Variants in COL22A1 observed in about 807,000 individuals in gnomAD.
COL22A1 encodes the protein collagen alpha-1(XXII) chain.
In COL22A1, 221 loss-of-function variants were observed where a neutral mutation model predicts 248.9. That is an observed-to-expected ratio of 0.89 (90% CI 0.80 to 0.99). The LOEUF (loss-of-function observed/expected upper bound fraction) is 0.99, where lower values mean the gene tolerates loss of function less well. Among genes scored for constraint, COL22A1 ranks in the 50% least tolerant of loss-of-function variants. The pLI, the probability that COL22A1 is intolerant of heterozygous loss-of-function variation, is 0.00. For missense variants in COL22A1, 2,240 were observed against 2,179.0 expected (o/e 1.03, Z -0.56); for synonymous variants, 891 against 793.4 (o/e 1.12, Z -2.07).
chr8:138,823,019 G>A (rs778172324), intron 6 of COL22A1, among the ~76,000 whole-genome samples: 1 of 152,128 alleles, frequency 6.6e-6, no homozygotes, highest in African/African-American at 2.4e-5. Flanking sequence ...TACAGCACTC[G>A]TCAAAAATGT....
intron 50 of COL22A1, among the ~76,000 whole-genome samples, chr8:138,628,682 G>A (rs1424806684): frequency 6.6e-6 from 1 of 151,970 alleles, no homozygotes; most frequent in African/African-American, 2.4e-5. Flanking sequence ...TTGAGGAGTG[G>A]TCCCATGACA....
At chr8:138,665,714 G>T (rs1221986876) in intron 41 of COL22A1, among the ~76,000 whole-genome samples, 1 of 152,136 alleles carries the variant, frequency 6.6e-6, no homozygotes, top group East Asian at 1.9e-4. Context: ...CATAACAAGT[G>T]GTAGAACTGA....
intron 53 of COL22A1, 76 bp from the exon 54 acceptor site, chr8:138,617,034 C>T: frequency 6.7e-7 from 1 of 1,497,120 alleles, no homozygotes; most frequent in Non-Finnish European, 9.3e-7. Context: ...TACCTCCCTG[C>T]CGGCTTTGAC....
At chr8:138,630,807 C>A in intron 49 of COL22A1, 59 bp from the exon 50 acceptor site, 1 of 1,436,314 alleles carries the variant, frequency 7.0e-7, no homozygotes, top group South Asian at 1.1e-5. Flanking sequence ...GTCATTAGCA[C>A]CCTCTGCTTT....
At chr8:138,730,743 G>T (rs993791118) in intron 23 of COL22A1, among the ~76,000 whole-genome samples, 1 of 152,132 alleles carries the variant, frequency 6.6e-6, no homozygotes, top group Non-Finnish European at 1.5e-5. Context: ...TCAGAGGAAG[G>T]CATGGTAGAG....
chr8:138,881,626 A>G (rs549084956), intron 2 of COL22A1, among the ~76,000 whole-genome samples: 16 of 152,366 alleles, frequency 1.1e-4, no homozygotes, highest in African/African-American at 3.8e-4. Flanking sequence ...CGGAGCTTGC[A>G]GTGAGCCGAG....
chr8:138,680,007 G>T (rs529366381), intron 39 of COL22A1, among the ~76,000 whole-genome samples: 1 of 152,206 alleles, frequency 6.6e-6, no homozygotes, highest in Admixed American at 6.5e-5. Flanking sequence ...GTGTGGCTCC[G>T]TTTGTCTGTT....
intron 16 of COL22A1, among the ~76,000 whole-genome samples, chr8:138,764,187 C>T (rs909048343): frequency 2.0e-5 from 3 of 152,162 alleles, no homozygotes; most frequent in African/African-American, 7.2e-5. Context: ...GGGTGCCTGC[C>T]CACCAGTGGA....
chr8:138,662,334 T>A (rs934209553), intron 42 of COL22A1, among the ~76,000 whole-genome samples: 2 of 152,038 alleles, frequency 1.3e-5, no homozygotes, highest in Non-Finnish European at 2.9e-5. Flanking sequence ...TGGACCCCAT[T>A]TGTATAGTTC....
At chr8:138,670,960 C>CA (rs60845059) in intron 41 of COL22A1, among the ~76,000 whole-genome samples, 19,357 of 55,100 alleles carry the variant, frequency 0.35, 7,051 homozygotes, top group South Asian at 0.44. Context: ...GACCTTGTCT[C>CA]AAAAAAAAAA....
intron 1 of COL22A1, among the ~76,000 whole-genome samples, chr8:138,902,785 C>CACA (rs1814713775): frequency 2.1e-5 from 3 of 145,416 alleles, no homozygotes; most frequent in Non-Finnish European, 3.0e-5. Flanking sequence ...CACACACACA[C>CACA]TAGAACTGAC....
intron 1 of COL22A1, among the ~76,000 whole-genome samples, chr8:138,895,248 C>T (rs192431524): frequency 1.5e-4 from 23 of 152,032 alleles, no homozygotes; most frequent in Non-Finnish European, 2.8e-4. Flanking sequence ...TGGCCAGTGT[C>T]GAGGATACAA....
intron 30 of COL22A1, among the ~76,000 whole-genome samples, chr8:138,714,841 A>G (rs1829305933): frequency 6.6e-6 from 1 of 152,116 alleles, no homozygotes; most frequent in South Asian, 2.1e-4. Flanking sequence ...TCAACCACAC[A>G]AGCAATGACA....
intron 60 of COL22A1, 50 bp downstream of exon 60, chr8:138,602,065 G>A (rs769283198): frequency 6.2e-7 from 1 of 1,606,030 alleles, no homozygotes; most frequent in African/African-American, 1.3e-5. Context: ...TGTGGCCACT[G>A]TGCAAAGGTC....
intron 23 of COL22A1, 141 bp downstream of exon 23, chr8:138,737,383 T>A (rs1284287587): frequency 3.1e-6 from 2 of 643,410 alleles, no homozygotes; most frequent in Non-Finnish European, 5.7e-6. Context: ...GGAGGACACG[T>A]GACCCACTGG....
At chr8:138,739,058 C>T (rs1414420175) in intron 22 of COL22A1, among the ~76,000 whole-genome samples, 6 of 152,162 alleles carry the variant, frequency 3.9e-5, no homozygotes, top group South Asian at 4.2e-4. Flanking sequence ...TCCCTTAACA[C>T]ACTTGGCCAT....
At chr8:138,679,982 T>C (rs1194702479) in intron 39 of COL22A1, among the ~76,000 whole-genome samples, 2 of 152,218 alleles carry the variant, frequency 1.3e-5, no homozygotes, top group Non-Finnish European at 2.9e-5. Context: ...CACTGACTGC[T>C]TTCTGCTACA....
chr8:138,781,045 G>C, intron 12 of COL22A1, 65 bp from the exon 13 acceptor site: 1 of 1,165,490 alleles, frequency 8.6e-7, no homozygotes, highest in South Asian at 1.4e-5. Context: ...CAGAATGCTA[G>C]TGCAGTGGAG....
chr8:138,811,972 C>T, intron 8 of COL22A1, 51 bp from the exon 9 acceptor site: 1 of 1,492,972 alleles, frequency 6.7e-7, no homozygotes, highest in Non-Finnish European at 8.9e-7. Context: ...TCAGCAGGCA[C>T]TCCCTGGCAG....
Sources: allele counts gnomAD v4.1 joint callset (sites outside exome capture counted in the v4.1 genomes callset), GRCh38; gene constraint gnomAD v4.1.1; transcripts MANE v1.5; gene names NCBI Gene and HGNC (gene_info 2026-07-23, HGNC 2026-07-21).